MYOM2: variants seen among roughly 807,000 people sequenced by gnomAD.
MYOM2 encodes the protein myomesin 2, also known as myomesin-2.
Under a neutral mutation model 187.6 loss-of-function variants are expected in MYOM2, and 254 were observed. The observed-to-expected ratio is 1.35, with a 90% CI of 1.22 to 1.50. The LOEUF is 1.50. MYOM2 is among the 40% of genes most tolerant of loss of function. MYOM2 has a pLI of 0.00. For missense variants in MYOM2, 2,796 were observed against 1,924.0 expected (o/e 1.45, Z -8.48); for synonymous variants, 981 against 753.8 (o/e 1.30, Z -4.94).
intron 35 of MYOM2, 47 bp from the exon 36 acceptor site, chr8:2,143,354 G>A: frequency 6.2e-7 from 1 of 1,612,348 alleles, no homozygotes; most frequent in East Asian, 2.2e-5. Flanking sequence ...TGCTCCGTGG[G>A]AACGTCCCGC....
At chr8:2,137,584 A>G (rs1016717886) in intron 32 of MYOM2, among the ~76,000 whole-genome samples, 3 of 135,492 alleles carry the variant, frequency 2.2e-5, no homozygotes, top group African/African-American at 9.5e-5. Context: ...GTGTGTGTGC[A>G]TTTGTTTGAA....
In MYOM2 at chr8:2,078,775, C is replaced by T. The variant is rs370150657; in HGVS notation, c.1304C>T (p.Ala435Val). The T allele has an allele frequency of 1.9e-6, 3 of 1,613,982 alleles. No homozygotes were observed. The highest frequency in any genetic ancestry group is 2.5e-6 in the Non-Finnish European group (3 of 1,180,030). The stretch of plus-strand genomic sequence containing the variant: ...AATAATTGGGTGCAGTGCAATGATG[C>T]ACCGGTGAAAATCTGCAAATACCCG... Reference protein sequence around the residue: ...GTNNWVQCNDAPVKICKYPVT... With the variant: ...GTNNWVQCNDVPVKICKYPVT... The change falls in exon 12 of 37, where the codon GCA becomes GTA. Residue 435 changes from alanine (A) to valine (V), a missense_variant. Physicochemically the swap from Ala to Val is moderately conservative, Grantham distance 64. Transcript: ENST00000262113.
chr8:2,051,753 C>T (rs1818496653), intron 2 of MYOM2, among the ~76,000 whole-genome samples: 1 of 152,136 alleles, frequency 6.6e-6, no homozygotes, highest in Admixed American at 6.5e-5. Context: ...GAGAAAGCAC[C>T]CCAGGGCGGG....
chr8:2,124,261 A>C, intron 31 of MYOM2, 44 bp downstream of exon 31: 1 of 1,570,314 alleles, frequency 6.4e-7, no homozygotes, highest in Non-Finnish European at 8.7e-7. Context: ...GGGGTGCTGA[A>C]ATCACTATTT....
At chr8:2,128,466 A>G (rs998237330) in intron 31 of MYOM2, among the ~76,000 whole-genome samples, 1 of 152,236 alleles carries the variant, frequency 6.6e-6, no homozygotes, top group East Asian at 1.9e-4. Flanking sequence ...ATATCTGATA[A>G]CAATCTCTAC....
At chr8:2,140,076 C>T (rs1585980372) in intron 32 of MYOM2, among the ~76,000 whole-genome samples, 1 of 152,236 alleles carries the variant, frequency 6.6e-6, no homozygotes, top group East Asian at 1.9e-4. Context: ...CCCCATTCCC[C>T]TCCCCCAGCC....
chr8:2,085,066 C>G (rs1435260984), intron 13 of MYOM2, 197 bp from the exon 14 acceptor site: 24 of 617,866 alleles, frequency 3.9e-5, no homozygotes, highest in Admixed American at 6.1e-5. Context: ...GTATTGGAAG[C>G]AAAACTAACT....
At chr8:2,047,944 A>G (rs555816857) in intron 1 of MYOM2, among the ~76,000 whole-genome samples, 16 of 152,340 alleles carry the variant, frequency 1.1e-4, no homozygotes, top group Admixed American at 9.8e-4. Flanking sequence ...AAGGATAGCT[A>G]GTCTGTGAGC....
Position 2,086,338 on chromosome 8 carries a change from CTGTTGTG to C in MYOM2, c.1644+949_1644+955del, listed in dbSNP as rs1796048234. 1.8e-4 allele frequency among the ~76,000 whole-genome samples: 20 copies of C among 110,370 alleles called. 4 individuals carry two copies. The highest frequency in any genetic ancestry group is 4.6e-4 in the Admixed American group (5 of 10,770). The allele number at this position is 110,370 out of a possible 152,430, so 72.4% of individuals were successfully genotyped here. The stretch of plus-strand genomic sequence containing the variant: ...GTCGTGATCTCTGCGTGGCCCCCCA[CTGTTGTG>C]ATCTCTGCGTGGCCTCCCACTGTTG... On this transcript the variant is annotated intron_variant, in intron 14 of 36. Transcript: ENST00000262113.
intron 16 of MYOM2, among the ~76,000 whole-genome samples, chr8:2,093,012 T>G (rs906885001): frequency 7.2e-5 from 11 of 152,156 alleles, no homozygotes; most frequent in African/African-American, 2.7e-4. Context: ...GGAAAGCCAG[T>G]GACCCTGCCT....
At chr8:2,094,521 G>A (rs138219423) in intron 17 of MYOM2, among the ~76,000 whole-genome samples, 1,697 of 152,152 alleles carry the variant, frequency 0.011, 28 homozygotes, top group African/African-American at 0.039. Context: ...GCATGGTGGC[G>A]GGCGCCTGTA....
intron 18 of MYOM2, chr8:2,097,216 T>A: frequency 2.0e-6 from 1 of 494,342 alleles, no homozygotes; most frequent in Non-Finnish European, 2.6e-6. Flanking sequence ...CTTTATAATA[T>A]ATGTTAATAT....
intron 36 of MYOM2, 128 bp downstream of exon 36, chr8:2,143,584 C>A: frequency 9.1e-7 from 1 of 1,101,058 alleles, no homozygotes; most frequent in South Asian, 1.3e-5. Context: ...CTGCAGGGAA[C>A]CCAGAGTCCC....
At chr8:2,131,713 G>A (rs887371023) in intron 32 of MYOM2, among the ~76,000 whole-genome samples, 9 of 146,544 alleles carry the variant, frequency 6.1e-5, no homozygotes, top group Admixed American at 3.5e-4. Flanking sequence ...GTGCGATCTC[G>A]GCTCACTGCA....
chr8:2,138,404 A>G (rs1798156281), intron 32 of MYOM2, among the ~76,000 whole-genome samples: 1 of 152,150 alleles, frequency 6.6e-6, no homozygotes, highest in African/African-American at 2.4e-5. Context: ...AGCCTTCGTG[A>G]GGCTCCCAGG....
chr8:2,053,197 A>T (rs1032601597), intron 3 of MYOM2, among the ~76,000 whole-genome samples: 2 of 152,260 alleles, frequency 1.3e-5, no homozygotes, highest in African/African-American at 2.4e-5. Context: ...AGATGAAGTC[A>T]TCTGTTGAAT....
At chr8:2,111,871 C>A (rs144641312) in intron 25 of MYOM2, among the ~76,000 whole-genome samples, 1,535 of 152,338 alleles carry the variant, frequency 0.01, 15 homozygotes, top group Middle Eastern at 0.027. Flanking sequence ...GAAAAAGTCT[C>A]AGTGATCTTA....
intron 32 of MYOM2, among the ~76,000 whole-genome samples, chr8:2,134,647 C>G (rs1189441202): frequency 6.6e-6 from 1 of 152,280 alleles, no homozygotes; most frequent in East Asian, 1.9e-4. Flanking sequence ...TCTCCTCATT[C>G]AGCTGCTTGG....
rs974349883 is a variant in MYOM2, at chr8:2,135,287, A to C, written c.3801-5436A>C. ...ATCTTTAGCCATACAGTATCAAATC[A>C]AAATATTGCTTTCCAAAGTTACTTT... On this transcript the variant is annotated intron_variant, in intron 32 of 36. Transcript: ENST00000262113. Among the ~76,000 whole-genome samples, 24 of 152,330 alleles carry C rather than the reference A, an allele frequency of 1.6e-4. 1 individual carries two copies. The highest frequency in any genetic ancestry group is 5.8e-4 in the African/African-American group (24 of 41,564).
Sources: gnomAD v4.1 joint callset for allele counts (sites outside exome capture counted in the v4.1 genomes callset) on GRCh38, gnomAD v4.1.1 for gene constraint, MANE v1.5 for transcripts, NCBI Gene and HGNC (gene_info 2026-07-23, HGNC 2026-07-21) for gene names.